TNFRSF8: variants seen among roughly 807,000 people sequenced by gnomAD.
TNFRSF8 encodes tumor necrosis factor receptor superfamily member 8.
TNFRSF8 carries 26 observed loss-of-function variants against 70.8 expected under a neutral mutation model. The observed-to-expected ratio is 0.37, with a 90% confidence interval of 0.27 to 0.51. The LOEUF (loss-of-function observed/expected upper bound fraction) is 0.51. TNFRSF8 is among the 20% of genes least tolerant of loss of function. The pLI is 0.94. For missense variants in TNFRSF8, 720 were observed against 807.9 expected, an observed-to-expected ratio of 0.89 and a Z score of 1.32; for synonymous variants, 356 against 339.2, an observed-to-expected ratio of 1.05 and a Z score of -0.54.
intron 8 of TNFRSF8, among the ~76,000 whole-genome samples, chr1:12,117,173 C>T (rs1416862714): frequency 6.6e-6 from 1 of 152,090 alleles, no homozygotes; most frequent in Non-Finnish European, 1.5e-5. Flanking sequence ...ACCTCCGTCT[C>T]CCGGGTTCAG....
chr1:12,104,584 A>G (rs1386297433), intron 4 of TNFRSF8, 53 bp downstream of exon 4: 2 of 1,605,312 alleles, frequency 1.2e-6, no homozygotes, highest in African/African-American at 1.3e-5. Flanking sequence ...TTGCTGCTGC[A>G]CCTTCCGCCC....
In TNFRSF8 at chr1:12,113,769, AAG is replaced by A. The variant is rs755033585; in HGVS notation, c.793+1769_793+1770del. Among the ~76,000 whole-genome samples the A allele has an allele frequency of 9.3e-5, 14 of 150,190 alleles. No homozygotes were observed. Among genetic ancestry groups the A allele is most frequent in the South Asian group, 4.3e-4 (2 of 4,694 alleles). ...AGAGAAAGAGAGAGAGAGAGACAGA[AAG>A]AGAGAGAGAGAGACAGACAGAGGCA... On this transcript the variant is annotated intron_variant, in intron 7 of 14. Coordinates refer to ENST00000263932, the MANE Select transcript of TNFRSF8 (RefSeq NM_001243.5). The surrounding 1 kb of genome is among the most constrained non-coding windows in gnomAD (Gnocchi z 4.9).
At chr1:12,116,671 G>C (rs1235779624) in intron 8 of TNFRSF8, among the ~76,000 whole-genome samples, 2 of 152,098 alleles carry the variant, frequency 1.3e-5, no homozygotes, top group Non-Finnish European at 2.9e-5. Context: ...TGTGGTGGTG[G>C]GCACCGTAGT....
At chr1:12,087,547 C>T (rs1017687392) in intron 2 of TNFRSF8, among the ~76,000 whole-genome samples, 1 of 152,170 alleles carries the variant, frequency 6.6e-6, no homozygotes, top group African/African-American at 2.4e-5. Context: ...ATTCTGGAAC[C>T]CCTTCCTCCA....
At chr1:12,090,989 T>C (rs1220743282) in intron 2 of TNFRSF8, among the ~76,000 whole-genome samples, 1 of 152,088 alleles carries the variant, frequency 6.6e-6, no homozygotes, top group African/African-American at 2.4e-5. Flanking sequence ...ACTGGTGCCT[T>C]TATAAAAGGA....
rs138776992 is a variant in TNFRSF8 at position 12,113,685 on chromosome 1, CAGAA to C, written c.793+1675_793+1678del. On this transcript the variant is annotated intron_variant, in intron 7 of 14. Transcript: ENST00000263932. The surrounding 1 kb of genome is among the most constrained non-coding windows in gnomAD (Gnocchi z 4.9). ...AGCGAGAGAGAGAGAGACAGAAAGA[CAGAA>C]AGAGAGACTGAGAGACAGAGAGAGA... is the stretch of plus-strand genomic sequence containing the variant. Among the ~76,000 whole-genome samples, 33,122 of 148,728 alleles carry C rather than the reference CAGAA, an allele frequency of 0.22. 4,410 individuals are homozygous for C. The highest frequency in any genetic ancestry group is 0.45 in the East Asian group (2,259 of 5,066).
At chr1:12,133,338 T>TA (rs1553159080) in intron 12 of TNFRSF8, among the ~76,000 whole-genome samples, 5 of 151,794 alleles carry the variant, frequency 3.3e-5, no homozygotes, top group African/African-American at 7.3e-5. Flanking sequence ...TTTTTTTTTT[T>TA]ATTCTGTTGG....
chr1:12,086,093 T>A (rs1321424659), intron 2 of TNFRSF8, among the ~76,000 whole-genome samples: 1 of 152,132 alleles, frequency 6.6e-6, no homozygotes, highest in Non-Finnish European at 1.5e-5. Context: ...CCAGCTGTAC[T>A]GTCTGGAGGG....
chr1:12,083,537 A>G (rs1447930172), intron 1 of TNFRSF8, among the ~76,000 whole-genome samples: 1 of 152,090 alleles, frequency 6.6e-6, no homozygotes, highest in Admixed American at 6.6e-5. Context: ...AAATACAAAA[A>G]CTAGCTGGGC....
At position 12,113,656 on chromosome 1, in the gene TNFRSF8, A is replaced by C. The variant is rs902513613; in HGVS notation, c.793+1642A>C. On this transcript the variant is annotated intron_variant, in intron 7 of 14. Coordinates refer to ENST00000263932, the MANE Select transcript of TNFRSF8 (RefSeq NM_001243.5). The surrounding 1 kb of genome is among the most constrained non-coding windows in gnomAD (Gnocchi z 4.9). Reference sequence around the variant, plus strand: ...GAGAGACAGAAAGAGAAAGAGACGGAGTGAGCGAGAGAGAGAGAGACAGAA... The same window carrying C: ...GAGAGACAGAAAGAGAAAGAGACGGCGTGAGCGAGAGAGAGAGAGACAGAA... Among the ~76,000 whole-genome samples, 3 of 147,416 alleles carry C rather than the reference A, an allele frequency of 2.0e-5. No homozygotes were observed. Among genetic ancestry groups the C allele is most frequent in the African/African-American group, 7.7e-5 (3 of 38,936 alleles).
chr1:12,141,489 G>A lies in TNFRSF8; in HGVS notation c.1544-798G>A, dbSNP rs1221648106. Among the ~76,000 whole-genome samples the A allele has an allele frequency of 6.6e-6, 1 of 152,256 alleles. No homozygotes were observed. The highest frequency in any genetic ancestry group is 1.5e-5 in the Non-Finnish European group (1 of 68,042). ...GCTCCCACCATGTGCTCACAGCACAGCCATGCACGCTGCAGGCAGGAGACC... is the reference window on the plus strand; with the variant it reads ...GCTCCCACCATGTGCTCACAGCACAACCATGCACGCTGCAGGCAGGAGACC... On this transcript the variant is annotated intron_variant, in intron 14 of 14. Coordinates refer to ENST00000263932, the MANE Select transcript of TNFRSF8 (RefSeq NM_001243.5). The surrounding 1 kb of genome is among the most constrained non-coding windows in gnomAD (Gnocchi z 5.4).
chr1:12,109,438 C>T lies in TNFRSF8; in HGVS notation c.422-128C>T. Reference sequence around the variant, plus strand: ...GGGAACGGGTGCCAGGCGGGTGCCACCTCCAGATGACTGCTGTGTTTTCCA... The same window carrying T: ...GGGAACGGGTGCCAGGCGGGTGCCATCTCCAGATGACTGCTGTGTTTTCCA... On this transcript the variant is annotated intron_variant, in intron 4 of 14. Transcript: ENST00000263932. The surrounding 1 kb of genome is among the most constrained non-coding windows in gnomAD (Gnocchi z 4.4). The T allele has an allele frequency of 1.4e-6, 1 of 692,298 alleles. No homozygotes were observed. The highest frequency in any genetic ancestry group is 2.8e-5 in the East Asian group (1 of 35,976). The allele number at this position is 692,298 out of a possible 1,614,324, so 42.9% of individuals were successfully genotyped here.
Position 12,109,663 on chromosome 1 carries a change from C to T in TNFRSF8, c.512+7C>T. On this transcript the variant is annotated splice_region_variant and intron_variant, in intron 5 of 14. Coordinates refer to ENST00000263932, the MANE Select transcript of TNFRSF8 (RefSeq NM_001243.5). The surrounding 1 kb of genome is among the most constrained non-coding windows in gnomAD (Gnocchi z 4.4). ...ACTGCAAGGAACCCTCCAGGTGACTCCCTGGCTTTGCCTCCTCCTCTTCCC... is the reference window on the plus strand; with the variant it reads ...ACTGCAAGGAACCCTCCAGGTGACTTCCTGGCTTTGCCTCCTCCTCTTCCC... The T allele has an allele frequency of 6.2e-7, 1 of 1,612,194 alleles. No homozygotes were observed. The highest frequency in any genetic ancestry group is 8.5e-7 in the Non-Finnish European group (1 of 1,178,728).
intron 13 of TNFRSF8, among the ~76,000 whole-genome samples, chr1:12,136,870 C>CTTTTTTTTTTTTTTTT (rs201470263): frequency 7.6e-5 from 9 of 118,690 alleles, no homozygotes; most frequent in Non-Finnish European, 1.2e-4. Context: ...ATACTCAGTT[C>CTTTTTTTTTTTTTTTT]TTTTTTTTTT....
At chr1:12,115,034 C>T (rs1464528664) in intron 7 of TNFRSF8, among the ~76,000 whole-genome samples, 1 of 152,064 alleles carries the variant, frequency 6.6e-6, no homozygotes, top group Non-Finnish European at 1.5e-5. Context: ...TTAAAAATTT[C>T]AAACATATTC....
Position 12,112,417 on chromosome 1 carries a change from TCTCA to T in TNFRSF8, c.793+407_793+410del, listed in dbSNP as rs1453994584. Among the ~76,000 whole-genome samples the T allele has an allele frequency of 6.7e-6, 1 of 149,104 alleles. No individual in the cohort carries two copies. Among genetic ancestry groups the T allele is most frequent in the Non-Finnish European group, 1.5e-5 (1 of 67,308 alleles). ...CTTTTTTTTTTTTTCCCAGACAGGG[TCTCA>T]CTCCTTCACCCAAGCTGCAGTACGG... On this transcript the variant is annotated intron_variant, in intron 7 of 14. Coordinates refer to ENST00000263932, the MANE Select transcript of TNFRSF8 (RefSeq NM_001243.5). The surrounding 1 kb of genome is among the most constrained non-coding windows in gnomAD (Gnocchi z 5.3).
At chr1:12,126,136 G>A in intron 11 of TNFRSF8, 47 bp from the exon 12 acceptor site, 1 of 1,613,734 alleles carries the variant, frequency 6.2e-7, no homozygotes, top group Non-Finnish European at 8.5e-7. Flanking sequence ...GCCTGCTCCT[G>A]CTCTCTGAGG....
chr1:12,074,575 C>T (rs773664085), intron 1 of TNFRSF8, among the ~76,000 whole-genome samples: 19 of 152,082 alleles, frequency 1.2e-4, no homozygotes, highest in Non-Finnish European at 2.4e-4. Flanking sequence ...CCACCAGGCC[C>T]GGCCTCAAAC....
At chr1:12,101,519 A>G (rs540819039) in intron 3 of TNFRSF8, among the ~76,000 whole-genome samples, 1 of 152,318 alleles carries the variant, frequency 6.6e-6, no homozygotes, top group East Asian at 1.9e-4. Context: ...CATACTATCC[A>G]TAATTGCATG....
Sources: allele counts gnomAD v4.1 joint callset (sites outside exome capture counted in the v4.1 genomes callset), GRCh38; gene constraint gnomAD v4.1.1; non-coding constraint Gnocchi (gnomAD v3.1); transcripts MANE v1.5; gene names NCBI Gene and HGNC (gene_info 2026-07-23, HGNC 2026-07-21).